UMOD: variants seen among roughly 807,000 people sequenced by gnomAD.
UMOD encodes the protein Tamm-Horsfall urinary glycoprotein.
A neutral mutation model predicts 66.0 loss-of-function variants in UMOD; 64 were observed. The ratio of observed to expected loss-of-function variants is 0.97; its 90% CI spans 0.79 to 1.19. UMOD has a LOEUF of 1.19. UMOD is among the 50% of genes most tolerant of loss of function. The pLI is 0.00. For synonymous variants in UMOD, 398 were observed against 352.7 expected, an observed-to-expected ratio of 1.13 and a Z score of -1.44; for missense variants, 764 against 850.9, an observed-to-expected ratio of 0.90 and a Z score of 1.27.
At chr16:20,352,035 C>T (rs1360051772) in intron 1 of UMOD, among the ~76,000 whole-genome samples, 1 of 137,334 alleles carries the variant, frequency 7.3e-6, no homozygotes, top group Non-Finnish European at 1.6e-5. Context: ...AAAAAAAAGA[C>T]AGAAAGAAAG....
rs186584867 is a variant in UMOD, at chr16:20,340,831, T to C, written c.1577+260A>G. Reference sequence around the variant, plus strand: ...CAACATGGTGAAACCCCATCTCTACTAAAAATACAAAAATTAGCCAGGCCT... The same window carrying C: ...CAACATGGTGAAACCCCATCTCTACCAAAAATACAAAAATTAGCCAGGCCT... On this transcript the variant is annotated intron_variant, in intron 7 of 10. Transcript: ENST00000396138. Among the ~76,000 whole-genome samples the C allele has an allele frequency of 4.0e-5, 6 of 151,880 alleles. No homozygotes were observed. The East Asian group carries it at 1.2e-3, about 30-fold the overall frequency.
chr16:20,350,007 T>G (rs1965813882), intron 2 of UMOD: 1 of 879,940 alleles, frequency 1.1e-6, no homozygotes, highest in East Asian at 2.7e-5. Context: ...GAGGTCAGTT[T>G]TTTATGTATC....
At chr16:20,343,917 G>T in intron 6 of UMOD, 107 bp downstream of exon 6, 2 of 1,387,158 alleles carry the variant, frequency 1.4e-6, no homozygotes, top group South Asian at 1.2e-5. Context: ...CTGATTCCCA[G>T]CCCTCACTCC....
At chr16:20,350,564 C>T in intron 2 of UMOD, 86 bp downstream of exon 2, 1 of 1,523,902 alleles carries the variant, frequency 6.6e-7, no homozygotes, top group South Asian at 1.2e-5. Context: ...GAGATCACCT[C>T]TGACAGGTGC....
intron 7 of UMOD, among the ~76,000 whole-genome samples, chr16:20,340,813 G>A (rs1372278698): frequency 6.6e-6 from 1 of 151,862 alleles, no homozygotes; most frequent in Admixed American, 6.6e-5. Flanking sequence ...GGTCAACATG[G>A]TGAAACCCCA....
intron 9 of UMOD, among the ~76,000 whole-genome samples, chr16:20,335,907 C>G (rs192601473): frequency 1.0e-3 from 152 of 152,348 alleles, no homozygotes; most frequent in Middle Eastern, 3.4e-3. Context: ...CCAACCCCAT[C>G]TTGGTTCTAA....
intron 5 of UMOD, 32 bp from the exon 6 acceptor site, chr16:20,344,204 G>GC: frequency 6.5e-7 from 1 of 1,548,422 alleles, no homozygotes; most frequent in Non-Finnish European, 8.9e-7. Flanking sequence ...GAGGGGGGGT[G>GC]GGGATGAGAG....
At position 20,348,922 on chromosome 16, in the gene UMOD, C is replaced by T. The variant is rs1158734539; in HGVS notation, c.379G>A (p.Val127Ile). Residue 127 changes from valine (V) to isoleucine (I), a missense_variant, in exon 3 of 11, where the codon GTC becomes ATC. By Grantham distance (29) the Val-to-Ile change is conservative. Coordinates refer to ENST00000396138, the MANE Select transcript of UMOD (RefSeq NM_003361.4). ...LSHCHALATC[V>I]NVVGSYLCVC... ...CACAAGTAGCTGCCCACCACATTGACACATGTGGCCAGGGCGTGGCAGTGG... is the reference window on the plus strand; with the variant it reads ...CACAAGTAGCTGCCCACCACATTGATACATGTGGCCAGGGCGTGGCAGTGG... The T allele has an allele frequency of 2.6e-6, 4 of 1,567,680 alleles. No individual in the cohort carries two copies. Among genetic ancestry groups the T allele is most frequent in the South Asian group, 2.3e-5 (2 of 85,550 alleles).
At chr16:20,339,448 CA>C (rs2141641449) in intron 7 of UMOD, among the ~76,000 whole-genome samples, 1 of 152,272 alleles carries the variant, frequency 6.6e-6, no homozygotes, top group East Asian at 1.9e-4. Context: ...AGAACAGGAC[CA>C]TACAATGAGG....
intron 7 of UMOD, among the ~76,000 whole-genome samples, chr16:20,340,321 A>G (rs1223626898): frequency 6.6e-6 from 1 of 151,926 alleles, no homozygotes; most frequent in Non-Finnish European, 1.5e-5. Context: ...GCCGTGAGCT[A>G]TGATCAAGTC....
chr16:20,350,921 T>C lies in UMOD; in HGVS notation c.-102-82A>G. ...GAAGGAGTGCTTTGATTGTATAGTA[T>C]ACAACTCCAGGAGGTGTCACTTATA... On this transcript the variant is annotated intron_variant, in intron 1 of 10. Transcript: ENST00000396138. The C allele has an allele frequency of 5.0e-6, 7 of 1,398,930 alleles. No homozygotes were observed. In the South Asian group the frequency reaches 8.4e-5, roughly 17 times the overall value. The allele number at this position is 1,398,930 out of a possible 1,614,324, so 86.7% of individuals were successfully genotyped here. A position where few individuals can be genotyped will look rare whatever the true frequency, so the allele number is the denominator to read the frequency against.
chr16:20,344,843 A>G (rs11647727), intron 5 of UMOD, among the ~76,000 whole-genome samples: 103,643 of 151,978 alleles, frequency 0.68, 36,133 homozygotes, highest in Non-Finnish European at 0.75. Context: ...AAGAAGACAG[A>G]GATTCATAGT....
At chr16:20,350,140 A>G (rs1178723990) in intron 2 of UMOD, among the ~76,000 whole-genome samples, 1 of 152,166 alleles carries the variant, frequency 6.6e-6, no homozygotes, top group Non-Finnish European at 1.5e-5. Flanking sequence ...TTTAACCAGG[A>G]CACCGCAATA....
chr16:20,346,187 T>G lies in UMOD; in HGVS notation c.1121A>C (p.Asn374Thr), dbSNP rs1965575694. The G allele has an allele frequency of 6.2e-7, 1 of 1,614,222 alleles. No homozygotes were observed. The highest frequency in any genetic ancestry group is 1.3e-5 in the African/African-American group (1 of 75,058). Residue 374 changes from asparagine (N) to threonine (T), a missense_variant, in exon 5 of 11, where the codon AAC becomes ACC. By Grantham distance (65) the Asn-to-Thr change is moderately conservative. Coordinates refer to ENST00000396138, the MANE Select transcript of UMOD (RefSeq NM_003361.4). ...GGTCACTACAGACACCCAGTCCCGG[T>G]TGTCTCTGTCATTGAAGCCCGAGCA... ...SRCSGFNDRDNRDWVSVVTPA... is the reference protein window; with the variant it reads ...SRCSGFNDRDTRDWVSVVTPA...
chr16:20,348,914 C>G lies in UMOD; in HGVS notation c.387G>C (p.Val129=), dbSNP rs1418623941. 1 of 1,564,608 alleles carries G rather than the reference C, an allele frequency of 6.4e-7. No homozygotes were observed. The highest frequency in any genetic ancestry group is 1.9e-5 in the Admixed American group (1 of 53,016). ...HCHALATCVN[V]VGSYLCVCPA... is the part of the protein sequence containing the mutation. ...GGCATACGCACAAGTAGCTGCCCAC[C>G]ACATTGACACATGTGGCCAGGGCGT... Residue 129 remains valine, a synonymous_variant, in exon 3 of 11, where the codon GTG becomes GTC. Coordinates refer to ENST00000396138, the MANE Select transcript of UMOD (RefSeq NM_003361.4).
intron 4 of UMOD, 60 bp from the exon 5 acceptor site, chr16:20,346,394 C>T (rs1965589895): frequency 1.3e-6 from 2 of 1,575,178 alleles, no homozygotes; most frequent in Non-Finnish European, 1.7e-6. Context: ...CCAGCACATC[C>T]CCAGGGGCCA....
intron 1 of UMOD, 89 bp downstream of exon 1, chr16:20,352,600 G>A (rs1477642934): frequency 9.8e-7 from 1 of 1,025,400 alleles, no homozygotes; most frequent in Non-Finnish European, 1.3e-6. Flanking sequence ...TCTGACCCCA[G>A]TGTCCAAGGT....
upstream of UMOD, among the ~76,000 whole-genome samples, chr16:20,355,885 T>G (rs9924088): frequency 2.0e-3 from 305 of 151,976 alleles, 2 homozygotes; most frequent in African/African-American, 6.8e-3. Context: ...TTCAGAGAGG[T>G]GGAGTAACTC....
chr16:20,341,399 C>G (rs1299899811), intron 6 of UMOD, 63 bp from the exon 7 acceptor site: 1 of 1,603,558 alleles, frequency 6.2e-7, no homozygotes, highest in Non-Finnish European at 8.5e-7. Context: ...AGGCCACCTT[C>G]TCTGATTTGC....
Sources: gnomAD v4.1 joint callset for allele counts (sites outside exome capture counted in the v4.1 genomes callset) on GRCh38, gnomAD v4.1.1 for gene constraint, MANE v1.5 for transcripts, NCBI Gene and HGNC (gene_info 2026-07-23, HGNC 2026-07-21) for gene names.